Variants in XPO5 observed in about 807,000 individuals in gnomAD.
The protein encoded by XPO5 is exportin-5.
A neutral mutation model predicts 160.6 loss-of-function variants in XPO5; 46 were observed. The observed-to-expected ratio is 0.29, with a 90% CI of 0.23 to 0.37. The LOEUF (loss-of-function observed/expected upper bound fraction) is 0.37, where lower values mean the gene tolerates loss of function less well. XPO5 is among the 10% of genes least tolerant of loss of function. XPO5 has a pLI of 1.00. For synonymous variants in XPO5, 537 were observed against 519.3 expected (o/e 1.03, Z -0.46); for missense variants, 1,090 against 1,463.9 (o/e 0.74, Z 4.17).
At chr6:43,528,684 T>C (rs1029296579) in intron 24 of XPO5, 144 bp downstream of exon 24, 5 of 742,448 alleles carry the variant, frequency 6.7e-6, no homozygotes, top group Non-Finnish European at 1.1e-5. Flanking sequence ...ACAGCAAGGA[T>C]AGTCAGCTGG....
intron 14 of XPO5, 139 bp from the exon 15 acceptor site, chr6:43,551,592 A>G (rs1795231879): frequency 6.8e-6 from 7 of 1,024,210 alleles, no homozygotes; most frequent in Non-Finnish European, 1.0e-5. Context: ...TGGCACAATC[A>G]TCACTCACTG....
At chr6:43,562,400 AAACATC>A in intron 8 of XPO5, 54 bp from the exon 9 acceptor site, 4 of 1,289,988 alleles carry the variant, frequency 3.1e-6, no homozygotes, top group Non-Finnish European at 4.4e-6. Flanking sequence ...GCTGTAATAA[AAACATC>A]ACTTTGTGTC....
chr6:43,547,046 G>A (rs2127727841), intron 19 of XPO5, among the ~76,000 whole-genome samples: 1 of 152,222 alleles, frequency 6.6e-6, no homozygotes, highest in East Asian at 1.9e-4. Flanking sequence ...AGGTGGCTTA[G>A]ATACGATCCA....
intron 22 of XPO5, among the ~76,000 whole-genome samples, 173 bp downstream of exon 22, chr6:43,531,306 A>G (rs1300153845): frequency 1.3e-5 from 2 of 152,260 alleles, no homozygotes; most frequent in Non-Finnish European, 2.9e-5. Context: ...ATTACAAAAA[A>G]AGCAAATGCA....
At chr6:43,539,233 C>T (rs780165251) in intron 20 of XPO5, 14 of 1,274,914 alleles carry the variant, frequency 1.1e-5, no homozygotes, top group African/African-American at 1.5e-5. Context: ...AGAGCTTGGC[C>T]AGGATGATGG....
At position 43,551,596 on chromosome 6, in the gene XPO5, C is replaced by T; in HGVS notation, c.1573-143G>A. 4.0e-6 allele frequency: 4 copies of T among 991,820 alleles called. No homozygotes were observed. The South Asian group carries it at 6.5e-5, about 16-fold the overall frequency. The allele number at this position is 991,820 out of a possible 1,614,324, so 61.4% of individuals were successfully genotyped here. Reference sequence around the variant, plus strand: ...GGAGTGCACAGTGGCACAATCATCACTCACTGTAACCTCAAACTCTTGAGC... The same window carrying T: ...GGAGTGCACAGTGGCACAATCATCATTCACTGTAACCTCAAACTCTTGAGC... On this transcript the variant is annotated intron_variant, in intron 14 of 31. Transcript: ENST00000265351.
chr6:43,564,740 T>G (rs1343406683), intron 8 of XPO5, among the ~76,000 whole-genome samples: 1 of 152,080 alleles, frequency 6.6e-6, no homozygotes, highest in East Asian at 1.9e-4. Flanking sequence ...TAGCTGGGAC[T>G]ACAAGTACAC....
chr6:43,532,870 C>G (rs989801612), intron 21 of XPO5, among the ~76,000 whole-genome samples: 1 of 152,174 alleles, frequency 6.6e-6, no homozygotes, highest in African/African-American at 2.4e-5. Context: ...GAAGGCCAGG[C>G]GTGGTGGCTC....
intron 13 of XPO5, chr6:43,555,238 A>G (rs1208450189): frequency 1.3e-5 from 2 of 152,390 alleles, no homozygotes; most frequent in East Asian, 3.9e-4. Context: ...CACTGCATCC[A>G]GCCTTTTTGC....
At chr6:43,548,169 T>C (rs1013133408) in intron 18 of XPO5, 92 bp downstream of exon 18, 9 of 1,272,890 alleles carry the variant, frequency 7.1e-6, no homozygotes, top group Non-Finnish European at 9.7e-6. Flanking sequence ...CACACTTCAA[T>C]ATCCTTAACC....
chr6:43,531,349 G>A, intron 22 of XPO5, 130 bp downstream of exon 22: 1 of 809,426 alleles, frequency 1.2e-6, no homozygotes, highest in Non-Finnish European at 2.0e-6. Flanking sequence ...TTTAACACTA[G>A]AATGATAAGT....
At chr6:43,549,998 G>C in intron 15 of XPO5, 64 bp from the exon 16 acceptor site, 1 of 1,550,448 alleles carries the variant, frequency 6.4e-7, no homozygotes, top group Non-Finnish European at 8.8e-7. Flanking sequence ...ATCTTGCTAT[G>C]TTGCCCAGAC....
intron 20 of XPO5, among the ~76,000 whole-genome samples, chr6:43,541,639 G>A (rs1373474394): frequency 2.2e-5 from 3 of 139,190 alleles, no homozygotes; most frequent in Non-Finnish European, 4.5e-5. Flanking sequence ...TCTGTCTCTA[G>A]ATATTTCATA....
At position 43,570,615 on chromosome 6, in the gene XPO5, G is replaced by A; in HGVS notation, c.508C>T (p.Leu170Phe). The change falls in exon 5 of 32, where the codon CTT becomes TTT. Residue 170 changes from leucine to phenylalanine, a missense_variant. Transcript: ENST00000265351. Reference sequence around the variant, plus strand: ...ATGTCCCTTCTTCTTTGAGGGGGAAGTGTCTGAAAAGTCACTACATCCTCT... The same window carrying A: ...ATGTCCCTTCTTCTTTGAGGGGGAAATGTCTGAAAAGTCACTACATCCTCT... ...LAEDVVTFQTLPPQRRRDIQQ... is the reference protein window; with the variant it reads ...LAEDVVTFQTFPPQRRRDIQQ... 2 of 1,613,904 alleles carry A rather than the reference G, an allele frequency of 1.2e-6. No individual in the cohort carries two copies. Among genetic ancestry groups the A allele is most frequent in the Non-Finnish European group, 1.7e-6 (2 of 1,179,830 alleles).
intron 20 of XPO5, among the ~76,000 whole-genome samples, chr6:43,542,538 T>C (rs1417308445): frequency 6.6e-6 from 1 of 152,060 alleles, no homozygotes; most frequent in Non-Finnish European, 1.5e-5. Flanking sequence ...GCCTCCTGAG[T>C]AGCTGGGATT....
chr6:43,540,590 T>C (rs1365064317), intron 20 of XPO5, among the ~76,000 whole-genome samples: 1 of 152,112 alleles, frequency 6.6e-6, no homozygotes, highest in Non-Finnish European at 1.5e-5. Flanking sequence ...GAGGTAGAGG[T>C]TGAAGTGAGC....
chr6:43,567,422 C>G lies in XPO5; in HGVS notation c.649-68G>C, dbSNP rs1024373044. The G allele has an allele frequency of 1.0e-5, 14 of 1,394,204 alleles. No homozygotes were observed. The African/African-American group carries it at 1.9e-4, about 19-fold the overall frequency. 86.4% of individuals were successfully genotyped at this position (1,394,204 alleles called of 1,614,324 possible). ...ACAGGTAAGGAATCAGTGGTTATAA[C>G]TGAACTCCCATTTTCTAATTCTAAG... On this transcript the variant is annotated intron_variant, in intron 6 of 31. Coordinates refer to ENST00000265351, the MANE Select transcript of XPO5 (RefSeq NM_020750.3).
At chr6:43,539,426 A>G in intron 20 of XPO5, 1 of 1,566,750 alleles carries the variant, frequency 6.4e-7, no homozygotes, top group Non-Finnish European at 8.7e-7. Flanking sequence ...AAAGTCAATG[A>G]TCTCTGATTC....
At chr6:43,548,238 T>A in intron 18 of XPO5, 23 bp downstream of exon 18, 1 of 1,560,470 alleles carries the variant, frequency 6.4e-7, no homozygotes, top group Non-Finnish European at 8.7e-7. Flanking sequence ...ATAGTAAGAG[T>A]CAGGGCAAGG....
Sources: allele counts gnomAD v4.1 joint callset (sites outside exome capture counted in the v4.1 genomes callset), GRCh38; gene constraint gnomAD v4.1.1; transcripts MANE v1.5; gene names NCBI Gene and HGNC (gene_info 2026-07-23, HGNC 2026-07-21).